Variants in DNAH11 observed in about 807,000 individuals in gnomAD.
DNAH11 encodes axonemal beta dynein heavy chain 11.
Under a neutral mutation model 526.0 loss-of-function variants are expected in DNAH11, and 442 were observed. The ratio of observed to expected loss-of-function variants is 0.84; its 90% CI spans 0.78 to 0.91. The LOEUF is 0.91. DNAH11 is among the 40% of genes least tolerant of loss of function. The probability of loss-of-function intolerance (pLI) is 0.00; values close to 1 mark genes in which losing one functional copy is unlikely to be tolerated. For synonymous variants in DNAH11, 2,461 were observed against 1,935.9 expected, an observed-to-expected ratio of 1.27 and a Z score of -7.12; for missense variants, 6,989 against 5,448.7, an observed-to-expected ratio of 1.28 and a Z score of -8.90.
chr7:21,829,814 A>G (rs1790467526), intron 65 of DNAH11, among the ~76,000 whole-genome samples: 1 of 152,274 alleles, frequency 6.6e-6, no homozygotes. Context: ...GGTTATATTA[A>G]GATAATGGTT....
At position 21,683,891 on chromosome 7, in the gene DNAH11, C is replaced by T; in HGVS notation, c.5568C>T (p.Phe1856=). Residue 1856 remains phenylalanine (F), a synonymous_variant, in exon 32 of 82, where the codon TTC becomes TTT. Coordinates refer to ENST00000409508, the MANE Select transcript of DNAH11 (RefSeq NM_001277115.2). ...VNICDAQFQY[F]YEYLGNSPRL... ...TTTGTGATGCCCAGTTCCAGTACTTCTATGAATACTTAGGAAACAGCCCTC... is the reference window on the plus strand; with the variant it reads ...TTTGTGATGCCCAGTTCCAGTACTTTTATGAATACTTAGGAAACAGCCCTC... 1 of 1,613,758 alleles carries T rather than the reference C, an allele frequency of 6.2e-7. No individual in the cohort carries two copies. The highest frequency in any genetic ancestry group is 8.5e-7 in the Non-Finnish European group (1 of 1,179,748).
At chr7:21,842,509 G>A (rs751569237) in intron 65 of DNAH11, 35 bp from the exon 66 acceptor site, 1 of 1,561,220 alleles carries the variant, frequency 6.4e-7, no homozygotes, top group Non-Finnish European at 8.8e-7. Flanking sequence ...TGGGTCATAG[G>A]AGTCTCCTGA....
intron 42 of DNAH11, among the ~76,000 whole-genome samples, chr7:21,714,210 C>T (rs1396829555): frequency 6.6e-6 from 1 of 151,882 alleles, no homozygotes; most frequent in Admixed American, 6.6e-5. Flanking sequence ...AAGAGACACC[C>T]AATTTATATT....
intron 8 of DNAH11, among the ~76,000 whole-genome samples, chr7:21,573,417 T>G (rs572113977): frequency 1.4e-4 from 22 of 152,294 alleles, no homozygotes; most frequent in Admixed American, 9.1e-4. Flanking sequence ...ATCTAGAAGC[T>G]CCTTGACTTT....
intron 60 of DNAH11, among the ~76,000 whole-genome samples, chr7:21,788,816 C>A (rs562650074): frequency 6.6e-6 from 1 of 152,280 alleles, no homozygotes; most frequent in African/African-American, 2.4e-5. Flanking sequence ...TAATATGAGG[C>A]GTATCTTCAC....
At chr7:21,558,274 T>C (rs761535550) in intron 2 of DNAH11, among the ~76,000 whole-genome samples, 273 of 152,310 alleles carry the variant, frequency 1.8e-3, no homozygotes, top group Non-Finnish European at 2.9e-3. Context: ...AAAAATACTT[T>C]TTCAGAGTTT....
At chr7:21,727,553 A>G (rs1211313436) in intron 45 of DNAH11, among the ~76,000 whole-genome samples, 1 of 152,160 alleles carries the variant, frequency 6.6e-6, no homozygotes, top group African/African-American at 2.4e-5. Flanking sequence ...GCTCTTCTGC[A>G]TTTCCCTTAG....
At position 21,735,632 on chromosome 7, in the gene DNAH11, C is replaced by T; in HGVS notation, c.7441-8C>T. The stretch of plus-strand genomic sequence containing the variant: ...CTGATCTTTGTCTCATTCTGTTTCT[C>T]CTCCCAGACAGTTCTCGTTCACACA... On this transcript the variant is annotated splice_region_variant and splice_polypyrimidine_tract_variant and intron_variant, in intron 45 of 81. Transcript: ENST00000409508. The T allele has an allele frequency of 1.3e-6, 2 of 1,568,184 alleles. No individual in the cohort carries two copies. The highest frequency in any genetic ancestry group is 1.2e-5 in the South Asian group (1 of 86,090).
chr7:21,754,972 G>T (rs1463779644), intron 54 of DNAH11, among the ~76,000 whole-genome samples: 1 of 152,176 alleles, frequency 6.6e-6, no homozygotes, highest in Non-Finnish European at 1.5e-5. Flanking sequence ...TAAAGACTCA[G>T]AATTTCTGAT....
chr7:21,809,669 T>G (rs186257933), intron 63 of DNAH11, among the ~76,000 whole-genome samples: 135 of 152,236 alleles, frequency 8.9e-4, no homozygotes, highest in African/African-American at 3.1e-3. Flanking sequence ...GTTCAAGTGA[T>G]TCTCCTGCCT....
chr7:21,882,886 C>T lies in DNAH11; in HGVS notation c.12388-1405C>T, dbSNP rs138130021. Among the ~76,000 whole-genome samples the T allele has an allele frequency of 2.0e-5, 3 of 151,788 alleles. No individual in the cohort carries two copies. The East Asian group carries it at 5.8e-4, about 29-fold the overall frequency. ...TAAATAATTATTGAAAAGAACAGAT[C>T]CCTAGTTAAATAAAAATTAAAAAGA... On this transcript the variant is annotated intron_variant, in intron 75 of 81. Transcript: ENST00000409508.
chr7:21,638,073 A>G (rs1176977699), intron 27 of DNAH11, among the ~76,000 whole-genome samples: 1 of 152,138 alleles, frequency 6.6e-6, no homozygotes, highest in Admixed American at 6.5e-5. Flanking sequence ...ATGTAGTTTC[A>G]TTTTATTAGA....
intron 25 of DNAH11, among the ~76,000 whole-genome samples, chr7:21,628,783 T>G (rs932710180): frequency 6.6e-6 from 1 of 152,166 alleles, no homozygotes; most frequent in Non-Finnish European, 1.5e-5. Flanking sequence ...GCTTTTGGTA[T>G]CAGGGTAATG....
intron 56 of DNAH11, among the ~76,000 whole-genome samples, chr7:21,777,451 A>ATTG (rs1787727853): frequency 6.6e-6 from 1 of 152,194 alleles, no homozygotes; most frequent in Middle Eastern, 3.4e-3. Context: ...AAATTACTGA[A>ATTG]TTGTGTGGTA....
chr7:21,600,379 G>T (rs1284859808), intron 15 of DNAH11, among the ~76,000 whole-genome samples: 1 of 152,044 alleles, frequency 6.6e-6, no homozygotes, highest in African/African-American at 2.4e-5. Flanking sequence ...GATTGCTTGA[G>T]TCCAGGAGTT....
At chr7:21,655,248 T>C (rs1486215821) in intron 28 of DNAH11, among the ~76,000 whole-genome samples, 7 of 152,170 alleles carry the variant, frequency 4.6e-5, no homozygotes. Flanking sequence ...CTTTTAGTTA[T>C]GTCAACTTGG....
At chr7:21,840,399 A>G (rs1169888207) in intron 65 of DNAH11, among the ~76,000 whole-genome samples, 1 of 152,174 alleles carries the variant, frequency 6.6e-6, no homozygotes, top group African/African-American at 2.4e-5. Context: ...CTATCATGAC[A>G]TCTATACAAT....
chr7:21,714,345 C>T (rs775085988), intron 42 of DNAH11, among the ~76,000 whole-genome samples: 11 of 152,106 alleles, frequency 7.2e-5, no homozygotes, highest in Non-Finnish European at 1.5e-4. Context: ...ATAATTCATC[C>T]AGGTCATTTT....
intron 76 of DNAH11, among the ~76,000 whole-genome samples, chr7:21,891,985 T>C (rs1784341546): frequency 1.3e-5 from 2 of 152,128 alleles, no homozygotes; most frequent in Admixed American, 1.3e-4. Context: ...AAGTACAGGC[T>C]ACAGAGTCCT....
Sources: gnomAD v4.1 joint callset for allele counts (sites outside exome capture counted in the v4.1 genomes callset) on GRCh38, gnomAD v4.1.1 for gene constraint, MANE v1.5 for transcripts, NCBI Gene and HGNC (gene_info 2026-07-23, HGNC 2026-07-21) for gene names.